Variants in ANKRD30A observed in about 807,000 individuals in gnomAD.
The protein encoded by ANKRD30A is ankyrin repeat domain-containing protein 30A.
Under a neutral mutation model 166.3 loss-of-function variants are expected in ANKRD30A, and 170 were observed. That is an observed-to-expected ratio of 1.02 (90% confidence interval 0.90 to 1.16). The LOEUF is 1.16. Ranked by LOEUF, ANKRD30A falls within the 50% of genes most tolerant of loss-of-function variation. The pLI is 0.00. For synonymous variants in ANKRD30A, 564 were observed against 508.9 expected, an observed-to-expected ratio of 1.11 and a Z score of -1.46; for missense variants, 1,630 against 1,518.0, an observed-to-expected ratio of 1.07 and a Z score of -1.23.
At chr10:37,264,043 A>G in the ANKRD30A span, among the ~76,000 whole-genome samples, 1 of 152,366 alleles carries the variant, frequency 6.6e-6, no homozygotes, top group Admixed American at 6.5e-5. Context: ...AGATGCTTAA[A>G]GAAACATTGT....
chr10:37,158,904 G>T (rs913426985), intron 15 of ANKRD30A, among the ~76,000 whole-genome samples: 1 of 152,186 alleles, frequency 6.6e-6, no homozygotes, highest in Non-Finnish European at 1.5e-5. Context: ...ATTTGCAGTG[G>T]TTCAAAGGCT....
At position 37,144,888 on chromosome 10, in the gene ANKRD30A, A is replaced by G. The variant is rs865883800; in HGVS notation, c.1394-107A>G. 1.3e-5 allele frequency: 10 copies of G among 789,876 alleles called. No individual in the cohort carries two copies. In the South Asian group the frequency reaches 1.5e-4, roughly 12 times the overall value. 48.9% of individuals were successfully genotyped at this position (789,876 alleles called of 1,614,324 possible). A position where few individuals can be genotyped will look rare whatever the true frequency, so the allele number is the denominator to read the frequency against. The stretch of plus-strand genomic sequence containing the variant: ...TATCTACCAATAGAATATACAGGCT[A>G]TAGAAGTAAGTCCACAGATTCATGA... On this transcript the variant is annotated intron_variant, in intron 7 of 35. Transcript: ENST00000361713.
intron 24 of ANKRD30A, chr10:37,178,516 A>C (rs1839910837): frequency 1.0e-6 from 1 of 978,256 alleles, no homozygotes; most frequent in South Asian, 4.8e-5. Flanking sequence ...GGGTAGCAAG[A>C]GGAGAGGCCT....
At chr10:37,191,900 C>G (rs753225711) in intron 25 of ANKRD30A, among the ~76,000 whole-genome samples, 2 of 151,908 alleles carry the variant, frequency 1.3e-5, no homozygotes, top group Admixed American at 6.6e-5. Context: ...GAGGCTGAGA[C>G]AAAAGAATGG....
At chr10:37,152,493 G>T (rs17606003) in intron 12 of ANKRD30A, among the ~76,000 whole-genome samples, 1 of 152,042 alleles carries the variant, frequency 6.6e-6, no homozygotes, top group Non-Finnish European at 1.5e-5. Flanking sequence ...GTTCTAATTG[G>T]ATGCATAGAG....
the ANKRD30A span, among the ~76,000 whole-genome samples, chr10:37,239,865 T>C: frequency 6.6e-6 from 1 of 152,152 alleles, no homozygotes; most frequent in Non-Finnish European, 1.5e-5. Context: ...CACAATTCTG[T>C]AAGTGAGACA....
At chr10:37,155,480 G>T (rs1212965811) in intron 13 of ANKRD30A, among the ~76,000 whole-genome samples, 2 of 152,156 alleles carry the variant, frequency 1.3e-5, no homozygotes, top group East Asian at 3.9e-4. Context: ...TCTGAACTGT[G>T]TGGCTTCTCA....
rs762170691 is a variant in ANKRD30A, at chr10:37,219,317, T to C, written c.3605T>C (p.Leu1202Pro). 2 of 1,610,308 alleles carry C rather than the reference T, an allele frequency of 1.2e-6. No individual in the cohort carries two copies. Among genetic ancestry groups the C allele is most frequent in the Admixed American group, 3.4e-5 (2 of 59,618 alleles). The change falls in exon 34 of 36, where the codon CTG (leucine) becomes CCG (proline). Residue 1202 changes from leucine to proline, a missense_variant. Leu to Pro is a moderately conservative substitution (Grantham distance 98, BLOSUM62 -3). Coordinates refer to ENST00000361713, the MANE Select transcript of ANKRD30A (RefSeq NM_052997.3). ...EAEIESHHPR[L>P]ASAVQDHDQI... ...GAAATTGAATCACACCATCCTAGAC[T>C]GGCTTCTGCTGTACAAGACCATGAT...
intron 25 of ANKRD30A, among the ~76,000 whole-genome samples, chr10:37,191,799 TC>T (rs1840600421): frequency 6.6e-6 from 1 of 151,858 alleles, no homozygotes; most frequent in Non-Finnish European, 1.5e-5. Flanking sequence ...ATCCAGACCA[TC>T]CTGGCTAACA....
intron 25 of ANKRD30A, among the ~76,000 whole-genome samples, chr10:37,191,232 T>C (rs1224892858): frequency 1.3e-5 from 2 of 151,996 alleles, no homozygotes; most frequent in African/African-American, 4.8e-5. Flanking sequence ...AAGCTAGAAA[T>C]TACAAAAATG....
chr10:37,145,693 T>C (rs559848008), intron 8 of ANKRD30A, among the ~76,000 whole-genome samples: 51 of 140,678 alleles, frequency 3.6e-4, no homozygotes, highest in Admixed American at 3.4e-3. Context: ...GAGTTCATCT[T>C]TGGGCAATTA....
At chr10:37,261,560 C>T in the ANKRD30A span, among the ~76,000 whole-genome samples, 2 of 151,950 alleles carry the variant, frequency 1.3e-5, no homozygotes, top group African/African-American at 4.8e-5. Flanking sequence ...TTTCTTATTC[C>T]TTATCAAAAA....
chr10:37,249,453 A>AT, the ANKRD30A span, among the ~76,000 whole-genome samples: 743 of 147,054 alleles, frequency 5.1e-3, 2 homozygotes, highest in Middle Eastern at 0.018. Context: ...GGCACTTTGA[A>AT]TTTTTTTTTT....
intron 19 of ANKRD30A, among the ~76,000 whole-genome samples, chr10:37,167,667 A>G (rs1839467569): frequency 6.6e-6 from 1 of 151,870 alleles, no homozygotes; most frequent in South Asian, 2.1e-4. Context: ...GCATGAGTGG[A>G]TTAAGAGATA....
chr10:37,167,674 G>A (rs1312773149), intron 19 of ANKRD30A, among the ~76,000 whole-genome samples: 1 of 151,886 alleles, frequency 6.6e-6, no homozygotes, highest in East Asian at 1.9e-4. Context: ...TGGATTAAGA[G>A]ATATTGAGAT....
intron 31 of ANKRD30A, among the ~76,000 whole-genome samples, chr10:37,214,604 T>C (rs2132728902): frequency 6.6e-6 from 1 of 150,402 alleles, no homozygotes; most frequent in African/African-American, 2.4e-5. Context: ...TATTTCTTTA[T>C]GATTTAGTCA....
At chr10:37,241,563 GCAAAA>G in the ANKRD30A span, among the ~76,000 whole-genome samples, 1 of 151,820 alleles carries the variant, frequency 6.6e-6, no homozygotes, top group African/African-American at 2.4e-5. Context: ...ATTTAAACAA[GCAAAA>G]CTACCAAGTT....
chr10:37,206,071 A>C (rs904454166), intron 31 of ANKRD30A, among the ~76,000 whole-genome samples: 1 of 152,186 alleles, frequency 6.6e-6, no homozygotes, highest in Non-Finnish European at 1.5e-5. Flanking sequence ...GCACGATATT[A>C]CTTCTGAACA....
At chr10:37,132,214 T>C (rs897476309) in intron 3 of ANKRD30A, 26 bp from the exon 4 acceptor site, 36 of 1,465,300 alleles carry the variant, frequency 2.5e-5, no homozygotes, top group Non-Finnish European at 3.4e-5. Flanking sequence ...ATTTCATGAA[T>C]TATAAATTGT....
Sources: gnomAD v4.1 joint callset for allele counts (sites outside exome capture counted in the v4.1 genomes callset) on GRCh38, gnomAD v4.1.1 for gene constraint, MANE v1.5 for transcripts, NCBI Gene and HGNC (gene_info 2026-07-23, HGNC 2026-07-21) for gene names.